The following RASSF8 variants were observed in gnomAD, a reference collection of about 807,000 sequenced individuals.
The protein encoded by RASSF8 is ras association domain-containing protein 8.
Under a neutral mutation model 48.5 loss-of-function variants are expected in RASSF8, and 22 were observed. The ratio of observed to expected loss-of-function variants is 0.45; its 90% CI spans 0.32 to 0.65. The LOEUF is 0.65. RASSF8 is among the 30% of genes least tolerant of loss of function. The pLI is 0.03. For synonymous variants in RASSF8, 127 were observed against 171.5 expected, an observed-to-expected ratio of 0.74 and a Z score of 2.03; for missense variants, 418 against 489.2, an observed-to-expected ratio of 0.85 and a Z score of 1.37.
rs530877773 is a variant in RASSF8 at position 26,066,469 on chromosome 12, A to C, written c.993+1082A>C. 2.6e-5 allele frequency among the ~76,000 whole-genome samples: 4 copies of C among 152,330 alleles called. No individual in the cohort carries two copies. The East Asian group carries it at 7.7e-4, about 29-fold the overall frequency. On this transcript the variant is annotated intron_variant, in intron 4 of 5. Coordinates refer to ENST00000689635, the MANE Select transcript of RASSF8 (RefSeq NM_001394098.1). ...TTTCTCCGTCATTATCTGTAGTAAG[A>C]GATAAAACTACCACCCAAATTTTGA...
At chr12:25,963,623 A>G (rs777983673) in intron 1 of RASSF8, among the ~76,000 whole-genome samples, 1 of 152,024 alleles carries the variant, frequency 6.6e-6, no homozygotes, top group Non-Finnish European at 1.5e-5. Context: ...GTGTGGGGGC[A>G]CTTTGGAGCT....
intron 2 of RASSF8, among the ~76,000 whole-genome samples, chr12:26,021,167 T>C (rs1174752189): frequency 6.6e-6 from 1 of 151,998 alleles, no homozygotes; most frequent in South Asian, 2.1e-4. Context: ...ACAAACATAA[T>C]TGGTAAAAAC....
At chr12:25,985,433 G>T (rs1173879983) in intron 1 of RASSF8, among the ~76,000 whole-genome samples, 1 of 152,172 alleles carries the variant, frequency 6.6e-6, no homozygotes, top group Non-Finnish European at 1.5e-5. Context: ...AATTTAGTTT[G>T]GTGCCTTTCA....
At chr12:26,030,699 T>C (rs75928459) in intron 2 of RASSF8, among the ~76,000 whole-genome samples, 25 of 151,850 alleles carry the variant, frequency 1.6e-4, no homozygotes, top group Middle Eastern at 6.8e-3. Flanking sequence ...TTTTTTTTTT[T>C]CCTAAACTTA....
intron 2 of RASSF8, among the ~76,000 whole-genome samples, chr12:26,035,680 A>G (rs1943131689): frequency 6.9e-6 from 1 of 144,920 alleles, no homozygotes; most frequent in African/African-American, 2.5e-5. Context: ...TTCTCTTACA[A>G]TAAACACTTG....
At chr12:26,019,989 T>C (rs1198613768) in intron 2 of RASSF8, among the ~76,000 whole-genome samples, 2 of 152,146 alleles carry the variant, frequency 1.3e-5, no homozygotes. Flanking sequence ...AGGAAGAAAA[T>C]GAATGTGTTA....
At chr12:25,964,482 G>A (rs914278865) in intron 1 of RASSF8, among the ~76,000 whole-genome samples, 1 of 152,104 alleles carries the variant, frequency 6.6e-6, no homozygotes, top group African/African-American at 2.4e-5. Context: ...TTGCTACCAG[G>A]TTTTATGTAG....
At chr12:26,052,863 TA>T (rs1943521836) in intron 2 of RASSF8, 1 of 152,176 alleles carries the variant, frequency 6.6e-6, no homozygotes, top group African/African-American at 2.4e-5. Flanking sequence ...AATGACTCAA[TA>T]TATGACTAAA....
chr12:26,024,830 G>T (rs1424067171), intron 2 of RASSF8, among the ~76,000 whole-genome samples: 1 of 151,942 alleles, frequency 6.6e-6, no homozygotes, highest in Non-Finnish European at 1.5e-5. Flanking sequence ...GGTGGCGGGC[G>T]CCTGTAGCCC....
intron 2 of RASSF8, among the ~76,000 whole-genome samples, chr12:26,053,314 G>C (rs955528212): frequency 6.6e-6 from 1 of 151,670 alleles, no homozygotes; most frequent in South Asian, 2.1e-4. Context: ...GAATAAGAAG[G>C]CACTTTAAAT....
chr12:25,978,850 A>G (rs1048466652), intron 1 of RASSF8, among the ~76,000 whole-genome samples: 2 of 152,156 alleles, frequency 1.3e-5, no homozygotes, highest in African/African-American at 4.8e-5. Flanking sequence ...GAAAACCTTA[A>G]TGAAAGGATT....
intron 2 of RASSF8, among the ~76,000 whole-genome samples, chr12:26,054,374 A>G (rs1943556290): frequency 6.6e-6 from 1 of 152,258 alleles, no homozygotes; most frequent in African/African-American, 2.4e-5. Flanking sequence ...GCAGCCAAAT[A>G]CAAAATCAAA....
At chr12:26,060,838 C>T (rs1049593755) in intron 3 of RASSF8, among the ~76,000 whole-genome samples, 36 of 152,172 alleles carry the variant, frequency 2.4e-4, no homozygotes, top group African/African-American at 8.4e-4. Context: ...GTGTTACTGA[C>T]ATTATTTCTC....
At position 26,064,597 on chromosome 12, in the gene RASSF8, A is replaced by G. The variant is rs1368228357; in HGVS notation, c.203A>G (p.Gln68Arg). The change falls in exon 4 of 6, where the codon CAG (glutamine) becomes CGG (arginine). Residue 68 changes from glutamine to arginine, a missense_variant. Physicochemically the swap from Gln to Arg is conservative, Grantham distance 43. Transcript: ENST00000689635. ...NPIISLNKWG[Q>R]YASDVQLILR... is the part of the protein sequence containing the mutation. The stretch of plus-strand genomic sequence containing the variant: ...ATCATATCCTTAAACAAATGGGGGC[A>G]GTATGCTAGTGATGTGCAGCTCATT... 4 of 1,614,186 alleles carry G rather than the reference A, an allele frequency of 2.5e-6. No homozygotes were observed. Among genetic ancestry groups the G allele is most frequent in the Non-Finnish European group, 3.4e-6 (4 of 1,180,016 alleles).
chr12:26,038,608 A>ACACAC (rs1943199350), intron 2 of RASSF8, among the ~76,000 whole-genome samples: 2 of 144,852 alleles, frequency 1.4e-5, no homozygotes, highest in South Asian at 2.3e-4. Context: ...TTCTTATTAA[A>ACACAC]ACACACACAC....
intron 2 of RASSF8, among the ~76,000 whole-genome samples, chr12:26,019,563 C>CTG (rs56895234): frequency 0.015 from 2,239 of 148,250 alleles, 24 homozygotes; most frequent in African/African-American, 0.031. Flanking sequence ...CGGGCATACA[C>CTG]TGTGTGTGTG....
Position 26,069,612 on chromosome 12 carries a change from C to T in RASSF8, c.*794C>T, listed in dbSNP as rs1186581182. 18 of 985,258 alleles carry T rather than the reference C, an allele frequency of 1.8e-5. No homozygotes were observed. Among genetic ancestry groups the T allele is most frequent in the Non-Finnish European group, 2.2e-5 (18 of 829,914 alleles). 61.0% of individuals were successfully genotyped at this position (985,258 alleles called of 1,614,324 possible). On this transcript the variant is annotated 3_prime_UTR_variant, in exon 6 of 6. Transcript: ENST00000689635. Reference sequence around the variant, plus strand: ...CAAACAGGCATGGGGTTTCCTGATACATTATGTGTTTTGTTTCTGCCCTGT... The same window carrying T: ...CAAACAGGCATGGGGTTTCCTGATATATTATGTGTTTTGTTTCTGCCCTGT...
chr12:26,049,422 C>A (rs904791216), intron 2 of RASSF8, among the ~76,000 whole-genome samples: 7 of 152,168 alleles, frequency 4.6e-5, no homozygotes, highest in Non-Finnish European at 7.4e-5. Context: ...AAAAATCTTA[C>A]ATTTCCACTG....
intron 2 of RASSF8, among the ~76,000 whole-genome samples, chr12:25,998,694 T>C (rs772359647): frequency 2.6e-5 from 4 of 152,170 alleles, no homozygotes; most frequent in Admixed American, 6.5e-5. Flanking sequence ...CTGCAAGATA[T>C]TGAATGCTAG....
Sources: gnomAD v4.1 joint callset for allele counts (sites outside exome capture counted in the v4.1 genomes callset) on GRCh38, gnomAD v4.1.1 for gene constraint, MANE v1.5 for transcripts, NCBI Gene and HGNC (gene_info 2026-07-23, HGNC 2026-07-21) for gene names.